RHOT2: variants seen among roughly 807,000 people sequenced by gnomAD.
RHOT2 encodes ras homolog family member T2, also known as mitochondrial Rho GTPase 2.
A neutral mutation model predicts 81.6 loss-of-function variants in RHOT2; 90 were observed. The observed-to-expected ratio is 1.10, with a 90% CI of 0.93 to 1.31. The LOEUF (loss-of-function observed/expected upper bound fraction) is 1.31. RHOT2 is among the 40% of genes most tolerant of loss of function. The pLI is 0.00. For synonymous variants in RHOT2, 512 were observed against 370.9 expected (o/e 1.38, Z -4.37); for missense variants, 1,014 against 841.9 (o/e 1.20, Z -2.53).
At position 670,246 on chromosome 16, in the gene RHOT2, C is replaced by A; in HGVS notation, c.330-3C>A. 1.2e-6 allele frequency: 2 copies of A among 1,612,480 alleles called. No homozygotes were observed. Among genetic ancestry groups the A allele is most frequent in the Non-Finnish European group, 1.7e-6 (2 of 1,179,828 alleles). ...CCCTGGTGACCATGGGCCTTCAACC[C>A]AGGGTGCCCATCATCCTAGTGGGCA... is the stretch of plus-strand genomic sequence containing the variant. On this transcript the variant is annotated splice_region_variant and splice_polypyrimidine_tract_variant and intron_variant, in intron 6 of 18. Transcript: ENST00000315082.
chr16:668,497 C>G lies in RHOT2; in HGVS notation c.106C>G (p.Arg36Gly), dbSNP rs1410207098. 6.2e-7 allele frequency: 1 copy of G among 1,605,872 alleles called. No homozygotes were observed. The highest frequency in any genetic ancestry group is 8.5e-7 in the Non-Finnish European group (1 of 1,177,022). ...GEEFPEEVPP[R>G]AEEITIPADV... ...CGCGGGTCCCTTGCAGGTCCCTCCC[C>G]GCGCGGAGGAGATCACCATCCCCGC... The change falls in exon 3 of 19, where the codon CGC becomes GGC. Residue 36 changes from arginine to glycine, a missense_variant. Coordinates refer to ENST00000315082, the MANE Select transcript of RHOT2 (RefSeq NM_138769.3).
At chr16:670,855 G>C in intron 9 of RHOT2, 37 bp from the exon 10 acceptor site, 1 of 1,589,196 alleles carries the variant, frequency 6.3e-7, no homozygotes, top group Non-Finnish European at 8.6e-7. Flanking sequence ...GTCTCCGGGT[G>C]GCTGGCTGAC....
At chr16:671,059 T>C (rs1248136472) in intron 10 of RHOT2, 24 bp from the exon 11 acceptor site, 2 of 1,605,450 alleles carry the variant, frequency 1.2e-6, no homozygotes. Flanking sequence ...TGCCTGGTGC[T>C]CCCCCTGCTT....
At position 668,232 on chromosome 16, in the gene RHOT2, C is replaced by A; in HGVS notation, c.33C>A (p.Gly11=). The change falls in exon 1 of 19, where the codon GGC becomes GGA. Residue 11 remains glycine, a synonymous_variant. Coordinates refer to ENST00000315082, the MANE Select transcript of RHOT2 (RefSeq NM_138769.3). MRRDVRILLL[G]EAQVGKTSLI... The stretch of plus-strand genomic sequence containing the variant: ...GGGACGTGCGCATCCTGTTACTGGG[C>A]GAGGGTAGGCGCCGGCCCGGGGGTC... 1 of 633,982 alleles carries A rather than the reference C, an allele frequency of 1.6e-6. No homozygotes were observed. Among genetic ancestry groups the A allele is most frequent in the Non-Finnish European group, 2.4e-6 (1 of 409,630 alleles). The allele number at this position is 633,982 out of a possible 1,614,324, so 39.3% of individuals were successfully genotyped here. A position where few individuals can be genotyped will look rare whatever the true frequency, so the allele number is the denominator to read the frequency against.
At position 671,919 on chromosome 16, in the gene RHOT2, A is replaced by T. The variant is rs1307591318; in HGVS notation, c.1014A>T (p.Ala338=). Residue 338 remains alanine, a synonymous_variant, in exon 13 of 19, where the codon GCA becomes GCT. Coordinates refer to ENST00000315082, the MANE Select transcript of RHOT2 (RefSeq NM_138769.3). ...ELQSLFSVFP[A]APWGPELPRT... is the part of the protein sequence containing the mutation. ...AAAGCCTTTTCAGTGTGTTCCCAGCAGCGCCCTGGGGCCCCGAGCTCCCAC... is the reference window on the plus strand; with the variant it reads ...AAAGCCTTTTCAGTGTGTTCCCAGCTGCGCCCTGGGGCCCCGAGCTCCCAC... 1.2e-6 allele frequency: 2 copies of T among 1,609,476 alleles called. No homozygotes were observed. Among genetic ancestry groups the T allele is most frequent in the African/African-American group, 2.7e-5 (2 of 73,870 alleles).
Position 673,818 on chromosome 16 carries a change from G to A in RHOT2, c.*212G>A. 1 of 669,538 alleles carries A rather than the reference G, an allele frequency of 1.5e-6. No homozygotes were observed. The highest frequency in any genetic ancestry group is 1.8e-5 in the African/African-American group (1 of 55,066). The allele number at this position is 669,538 out of a possible 1,614,324, so 41.5% of individuals were successfully genotyped here. ...CTGCCGGACCCCCAGGGTGGGCCGT[G>A]GCAGGTGGCTGAGCAGGAGCTCCCA... On this transcript the variant is annotated 3_prime_UTR_variant, in exon 19 of 19. Transcript: ENST00000315082.
chr16:670,654 G>T, intron 8 of RHOT2, 21 bp from the exon 9 acceptor site: 1 of 1,610,774 alleles, frequency 6.2e-7, no homozygotes, highest in Non-Finnish European at 8.5e-7. Context: ...ACCTGAGGGT[G>T]CTGAGCCAAC....
At position 671,615 on chromosome 16, in the gene RHOT2, T is replaced by C. The variant is rs552417262; in HGVS notation, c.870-82T>C. 2.1e-6 allele frequency: 3 copies of C among 1,462,598 alleles called. No homozygotes were observed. The East Asian group carries it at 6.9e-5, about 33-fold the overall frequency. 90.6% of individuals were successfully genotyped at this position (1,462,598 alleles called of 1,614,324 possible). On this transcript the variant is annotated intron_variant, in intron 11 of 18. Transcript: ENST00000315082. ...TGTAGGGAGGGTCCGGCTGCACCGA[T>C]GGGGCTGGCAGGGTGACAGATGGGC...
At chr16:672,411 C>T in intron 15 of RHOT2, 27 bp downstream of exon 15, 1 of 1,607,822 alleles carries the variant, frequency 6.2e-7, no homozygotes, top group East Asian at 2.2e-5. Context: ...CCCCCACCAC[C>T]CCAGGGGCTC....
Position 673,642 on chromosome 16 carries a change from G to C in RHOT2, c.*36G>C. 6.3e-7 allele frequency: 1 copy of C among 1,587,582 alleles called. No individual in the cohort carries two copies. Among genetic ancestry groups the C allele is most frequent in the Non-Finnish European group, 8.6e-7 (1 of 1,169,474 alleles). On this transcript the variant is annotated 3_prime_UTR_variant, in exon 19 of 19. Coordinates refer to ENST00000315082, the MANE Select transcript of RHOT2 (RefSeq NM_138769.3). The stretch of plus-strand genomic sequence containing the variant: ...ACCCAAGCCCCCTCCCCTGACCTGG[G>C]TGTGCCTCGCTGCTGGGGCTCTGCA...
chr16:668,591 G>T (rs1208228962), intron 3 of RHOT2, 22 bp downstream of exon 3: 1 of 1,610,224 alleles, frequency 6.2e-7, no homozygotes, highest in Non-Finnish European at 8.5e-7. Flanking sequence ...AGCCTCCCGG[G>T]GGCCCGGCCC....
chr16:670,645 C>G, intron 8 of RHOT2, 30 bp from the exon 9 acceptor site: 1 of 1,609,672 alleles, frequency 6.2e-7, no homozygotes, highest in South Asian at 1.1e-5. Context: ...GCGTGGGTCA[C>G]CTGAGGGTGC....
At chr16:669,863 C>T (rs2038619510) in intron 5 of RHOT2, 9 of 614,254 alleles carry the variant, frequency 1.5e-5, no homozygotes, top group Non-Finnish European at 2.0e-5. Context: ...CGGGGGGGGA[C>T]CCGCAGAGGG....
Position 670,191 on chromosome 16 carries a change from G to T in RHOT2, c.329+16G>T. 1 of 1,608,916 alleles carries T rather than the reference G, an allele frequency of 6.2e-7. No individual in the cohort carries two copies. Among genetic ancestry groups the T allele is most frequent in the Non-Finnish European group, 8.5e-7 (1 of 1,178,056 alleles). ...AGGGGCCCAGGTAATGAGGGGATGTGGAAGGGGCTGGGACCCCTGGCTCCC... is the reference window on the plus strand; with the variant it reads ...AGGGGCCCAGGTAATGAGGGGATGTTGAAGGGGCTGGGACCCCTGGCTCCC... On this transcript the variant is annotated intron_variant, in intron 6 of 18. Transcript: ENST00000315082.
chr16:670,582 C>A (rs751820079), intron 8 of RHOT2, 25 bp downstream of exon 8: 3 of 1,595,490 alleles, frequency 1.9e-6, no homozygotes, highest in Non-Finnish European at 1.7e-6. Flanking sequence ...GGGCCCCGCA[C>A]GCTGGTTCCC....
At position 670,273 on chromosome 16, in the gene RHOT2, C is replaced by T; in HGVS notation, c.354C>T (p.Asn118=). ...GPRVPIILVG[N]KSDLRSGSSM... ...GGGTGCCCATCATCCTAGTGGGCAA[C>T]AAGTCAGACCTGCGGTCGGGGAGCT... The change falls in exon 7 of 19, where the codon AAC becomes AAT. Residue 118 remains asparagine (N), a synonymous_variant. Coordinates refer to ENST00000315082, the MANE Select transcript of RHOT2 (RefSeq NM_138769.3). The T allele has an allele frequency of 1.2e-6, 2 of 1,612,744 alleles. No individual in the cohort carries two copies. Among genetic ancestry groups the T allele is most frequent in the Non-Finnish European group, 1.7e-6 (2 of 1,179,944 alleles).
At position 670,496 on chromosome 16, in the gene RHOT2, A is replaced by G. The variant is rs1372251473; in HGVS notation, c.479A>G (p.Tyr160Cys). The G allele has an allele frequency of 1.9e-6, 3 of 1,608,628 alleles. No homozygotes were observed. Among genetic ancestry groups the G allele is most frequent in the Non-Finnish European group, 8.5e-7 (1 of 1,177,728 alleles). The change falls in exon 8 of 19, where the codon TAC becomes TGC. Residue 160 changes from tyrosine (Y) to cysteine (C), a missense_variant. Tyr to Cys is a radical substitution (Grantham distance 194). Coordinates refer to ENST00000315082, the MANE Select transcript of RHOT2 (RefSeq NM_138769.3). The part of the protein sequence containing the change: ...KNLRNISELF[Y>C]YAQKAVLHPT... ...CTGAGGAACATCTCAGAGCTGTTCT[A>G]CTACGCCCAGAAGGCCGTCCTGCAT...
chr16:671,821 C>G (rs764429077), intron 12 of RHOT2, 39 bp from the exon 13 acceptor site: 1 of 1,602,126 alleles, frequency 6.2e-7, no homozygotes, highest in Non-Finnish European at 8.5e-7. Flanking sequence ...CCCCCGCCCC[C>G]TCCCCGGCAC....
At chr16:669,627 C>G (rs531826964) in intron 5 of RHOT2, 21 bp downstream of exon 5, 62 of 1,610,266 alleles carry the variant, frequency 3.9e-5, no homozygotes, top group Non-Finnish European at 5.3e-5. Context: ...AGTGCAGACC[C>G]CAACAGCAGA....
Sources: allele counts gnomAD v4.1 joint callset, GRCh38; gene constraint gnomAD v4.1.1; transcripts MANE v1.5; gene names NCBI Gene and HGNC (gene_info 2026-07-23, HGNC 2026-07-21).